Variants in AKAP6 observed in about 807,000 individuals in gnomAD.
The protein encoded by AKAP6 is A-kinase anchor protein 6.
AKAP6 carries 58 observed loss-of-function variants against 188.5 expected under a neutral mutation model. The observed-to-expected ratio is 0.31, with a 90% CI of 0.25 to 0.38. AKAP6 has a LOEUF of 0.38. Among genes scored for constraint, AKAP6 ranks in the 10% least tolerant of loss-of-function variants. The pLI is 1.00. For missense variants in AKAP6, 2,710 were observed against 2,740.0 expected, an observed-to-expected ratio of 0.99 and a Z score of 0.24; for synonymous variants, 989 against 998.6, an observed-to-expected ratio of 0.99 and a Z score of 0.18.
At chr14:32,444,459 T>A (rs1450854529) in intron 2 of AKAP6, among the ~76,000 whole-genome samples, 1 of 152,174 alleles carries the variant, frequency 6.6e-6, no homozygotes, top group Non-Finnish European at 1.5e-5. Flanking sequence ...TGAATAGAAA[T>A]CTCTTCTCTG....
chr14:32,410,694 A>T (rs1254451343), intron 1 of AKAP6, among the ~76,000 whole-genome samples: 1 of 152,178 alleles, frequency 6.6e-6, no homozygotes, highest in Non-Finnish European at 1.5e-5. Context: ...AGTGAGAAAG[A>T]GCAAACTATT....
intron 2 of AKAP6, among the ~76,000 whole-genome samples, chr14:32,460,682 T>G (rs1444277933): frequency 6.6e-6 from 1 of 152,216 alleles, no homozygotes; most frequent in African/African-American, 2.4e-5. Context: ...GGAGTTTTTT[T>G]CATACCCCAT....
chr14:32,738,893 G>A (rs1264466149), intron 11 of AKAP6, among the ~76,000 whole-genome samples: 1 of 152,134 alleles, frequency 6.6e-6, no homozygotes, highest in Non-Finnish European at 1.5e-5. Flanking sequence ...AAGTATGGCT[G>A]TGTTCAATAA....
intron 7 of AKAP6, among the ~76,000 whole-genome samples, chr14:32,624,276 G>A (rs1203000978): frequency 6.6e-6 from 1 of 152,136 alleles, no homozygotes; most frequent in East Asian, 1.9e-4. Context: ...AGAGGAAAAT[G>A]TGCTGTTCAA....
chr14:32,593,616 TA>T (rs1379977892), intron 5 of AKAP6, among the ~76,000 whole-genome samples: 2 of 152,134 alleles, frequency 1.3e-5, no homozygotes, highest in African/African-American at 4.8e-5. Context: ...TGATTTAAAA[TA>T]AATCAAAATT....
At chr14:32,555,063 A>C (rs1044099790) in intron 4 of AKAP6, among the ~76,000 whole-genome samples, 8 of 152,208 alleles carry the variant, frequency 5.3e-5, no homozygotes, top group Non-Finnish European at 2.9e-5. Flanking sequence ...TCCTAGAGAC[A>C]TCTATAATCT....
intron 7 of AKAP6, among the ~76,000 whole-genome samples, chr14:32,647,974 GT>G (rs1344904901): frequency 4.6e-5 from 7 of 152,202 alleles, no homozygotes; most frequent in African/African-American, 1.4e-4. Flanking sequence ...AATGCAAATT[GT>G]GCAAAAGGAA....
At chr14:32,806,562 A>G (rs889983096) in intron 12 of AKAP6, among the ~76,000 whole-genome samples, 1 of 152,180 alleles carries the variant, frequency 6.6e-6, no homozygotes, top group Non-Finnish European at 1.5e-5. Flanking sequence ...CTGTGGTCCC[A>G]GCTACTCAGA....
chr14:32,591,751 T>A (rs1885497347), intron 5 of AKAP6, among the ~76,000 whole-genome samples: 1 of 152,218 alleles, frequency 6.6e-6, no homozygotes, highest in African/African-American at 2.4e-5. Flanking sequence ...TTCTTTTATT[T>A]TTTAAAGCTT....
chr14:32,571,336 C>A (rs1157873256), intron 4 of AKAP6, among the ~76,000 whole-genome samples: 1 of 151,714 alleles, frequency 6.6e-6, no homozygotes, highest in East Asian at 1.9e-4. Flanking sequence ...CCAGCCTGTG[C>A]AACACAGTGA....
rs779867395 is a variant in AKAP6 at position 32,615,591 on chromosome 14, C to CTTT, written c.2730+14819_2730+14821dup. 5.5e-4 allele frequency among the ~76,000 whole-genome samples: 63 copies of CTTT among 115,256 alleles called. 3 individuals carry two copies. Among genetic ancestry groups the CTTT allele is most frequent in the African/African-American group, 1.2e-3 (31 of 26,052 alleles). 75.6% of individuals were successfully genotyped at this position (115,256 alleles called of 152,430 possible). ...TGTTTCCCCCAATGCTAAACCATTA[C>CTTT]TTTTTTTTTTTTTTTTTTTTTTGAG... On this transcript the variant is annotated intron_variant, in intron 7 of 13. Coordinates refer to ENST00000280979, the MANE Select transcript of AKAP6 (RefSeq NM_004274.5).
In AKAP6 at chr14:32,543,390, G is replaced by A. The variant is rs1048614676; in HGVS notation, c.577-1840G>A. Among the ~76,000 whole-genome samples, 6 of 152,278 alleles carry A rather than the reference G, an allele frequency of 3.9e-5. No homozygotes were observed. In the South Asian group the frequency reaches 1.2e-3, roughly 32 times the overall value. On this transcript the variant is annotated intron_variant, in intron 3 of 13. Coordinates refer to ENST00000280979, the MANE Select transcript of AKAP6 (RefSeq NM_004274.5). The stretch of plus-strand genomic sequence containing the variant: ...ATGACAGGATTTCCTTCTTTTTGAA[G>A]GCAAAATAGTATTCCATTGTGGATA...
At chr14:32,481,890 C>G (rs1302012134) in intron 2 of AKAP6, among the ~76,000 whole-genome samples, 1 of 152,162 alleles carries the variant, frequency 6.6e-6, no homozygotes, top group Admixed American at 6.5e-5. Flanking sequence ...ATTACTGTTT[C>G]CACTTCCTCT....
rs1163665563 is a variant in AKAP6 at position 32,568,794 on chromosome 14, G to A, written c.2347-8326G>A. On this transcript the variant is annotated intron_variant, in intron 4 of 13. Transcript: ENST00000280979. The surrounding 1 kb of genome is among the most constrained non-coding windows in gnomAD (Gnocchi z 6.2). ...ATATTGTATCATAGGGTTGTTGTAA[G>A]GATTATGTAAGTGCCTGGTGTGTAG... 1.3e-5 allele frequency among the ~76,000 whole-genome samples: 2 copies of A among 152,148 alleles called. No homozygotes were observed. The highest frequency in any genetic ancestry group is 1.9e-4 in the East Asian group (1 of 5,190).
In AKAP6 at chr14:32,696,049, C is replaced by T; in HGVS notation, c.2939C>T (p.Ser980Phe). 2 of 1,612,964 alleles carry T rather than the reference C, an allele frequency of 1.2e-6. No individual in the cohort carries two copies. Among genetic ancestry groups the T allele is most frequent in the Non-Finnish European group, 1.7e-6 (2 of 1,179,674 alleles). Reference protein sequence around the residue: ...ELWDWLIDMESLVMDSHDLMM... With the variant: ...ELWDWLIDMEFLVMDSHDLMM... ...TGGGATTGGCTGATTGACATGGAGT[C>T]CCTTGTGATGGACAGCCACGACCTG... The change falls in exon 9 of 14, where the codon TCC becomes TTC. Residue 980 changes from serine (S) to phenylalanine (F), a missense_variant. Ser to Phe is a radical substitution (Grantham distance 155). Around this residue, in one of 2 missense-constraint regions of AKAP6, gnomAD observed 2,473 missense variants for 2,426.1 expected, o/e 1.02. Coordinates refer to ENST00000280979, the MANE Select transcript of AKAP6 (RefSeq NM_004274.5).
chr14:32,690,102 C>CAT (rs1363444484), intron 8 of AKAP6, among the ~76,000 whole-genome samples: 1 of 151,492 alleles, frequency 6.6e-6, no homozygotes, highest in African/African-American at 2.4e-5. Context: ...CACACACACA[C>CAT]ACACACACAC....
At position 32,404,103 on chromosome 14, in the gene AKAP6, AT is replaced by A. The variant is rs934227424; in HGVS notation, c.-34-29349del. Among the ~76,000 whole-genome samples, 4 of 152,076 alleles carry A rather than the reference AT, an allele frequency of 2.6e-5. No individual in the cohort carries two copies. The East Asian group carries it at 5.8e-4, about 22-fold the overall frequency. ...AATGTACTTTTTTATCCCATGAAAT[AT>A]TTTTTTTGAAAAATATTAACAAAAA... On this transcript the variant is annotated intron_variant, in intron 1 of 13. Coordinates refer to ENST00000280979, the MANE Select transcript of AKAP6 (RefSeq NM_004274.5).
intron 2 of AKAP6, among the ~76,000 whole-genome samples, chr14:32,459,440 C>G (rs1891250955): frequency 6.6e-6 from 1 of 151,966 alleles, no homozygotes. Context: ...TAGATACAGA[C>G]AGATTGCTAA....
In AKAP6 at chr14:32,535,656, G is replaced by A. The variant is rs140887166; in HGVS notation, c.427G>A (p.Asp143Asn). The change falls in exon 3 of 14, where the codon GAC becomes AAC. Residue 143 changes from aspartate to asparagine, a missense_variant. Physicochemically the swap from Asp to Asn is conservative, Grantham distance 23. Coordinates refer to ENST00000280979, the MANE Select transcript of AKAP6 (RefSeq NM_004274.5). ...LLSYSVNVIVDIHAVQLLWHQ... is the reference protein window; with the variant it reads ...LLSYSVNVIVNIHAVQLLWHQ... ...GTCTTACTCTGTCAACGTGATAGTG[G>A]ACATCCACGCAGTGCAGCTCCTCTG... The A allele has an allele frequency of 3.1e-6, 5 of 1,614,108 alleles. No individual in the cohort carries two copies. In the African/African-American group the frequency reaches 6.7e-5, roughly 22 times the overall value.
Sources: gnomAD v4.1 joint callset for allele counts (sites outside exome capture counted in the v4.1 genomes callset) on GRCh38, gnomAD v4.1.1 for gene constraint, gnomAD v4.1.1 regional missense constraint, Gnocchi (gnomAD v3.1) non-coding constraint, MANE v1.5 for transcripts, NCBI Gene and HGNC (gene_info 2026-07-23, HGNC 2026-07-21) for gene names.